RHOQ: variants seen among roughly 807,000 people sequenced by gnomAD.
RHOQ encodes the protein ras homolog family member Q, also known as rho-related GTP-binding protein RhoQ.
A neutral mutation model predicts 25.8 loss-of-function variants in RHOQ; 7 were observed. The observed-to-expected ratio is 0.27, with a 90% CI of 0.15 to 0.51. The LOEUF is 0.51. Among genes scored for constraint, RHOQ ranks in the 20% least tolerant of loss-of-function variants. The probability of loss-of-function intolerance (pLI) is 0.97; values close to 1 mark genes in which losing one functional copy is unlikely to be tolerated. For synonymous variants in RHOQ, 97 were observed against 98.6 expected (o/e 0.98, Z 0.10); for missense variants, 165 against 260.6 (o/e 0.63, Z 2.53).
Position 46,552,359 on chromosome 2 carries a change from G to A in RHOQ, c.201+8547G>A, listed in dbSNP as rs944635811. 2.6e-5 allele frequency among the ~76,000 whole-genome samples: 4 copies of A among 152,210 alleles called. No individual in the cohort carries two copies. The highest frequency in any genetic ancestry group is 9.6e-5 in the African/African-American group (4 of 41,470). ...TGCCTAAAGCTGTGGCCCCTTCCCAGAAGAGAGGGACAGGGAAATGCTGTT... is the reference window on the plus strand; with the variant it reads ...TGCCTAAAGCTGTGGCCCCTTCCCAAAAGAGAGGGACAGGGAAATGCTGTT... On this transcript the variant is annotated intron_variant, in intron 2 of 4. Transcript: ENST00000238738. The surrounding 1 kb of genome is among the most constrained non-coding windows in gnomAD (Gnocchi z 5.0).
chr2:46,564,427 T>G (rs1425064098), intron 2 of RHOQ, among the ~76,000 whole-genome samples: 2 of 152,094 alleles, frequency 1.3e-5, no homozygotes, highest in East Asian at 3.9e-4. Context: ...CCTCAGAAAT[T>G]GTGTGTGTTT....
intron 2 of RHOQ, among the ~76,000 whole-genome samples, chr2:46,561,203 A>G (rs1406465265): frequency 6.6e-6 from 1 of 151,806 alleles, no homozygotes; most frequent in African/African-American, 2.4e-5. Context: ...ATATGTACAT[A>G]TGTATATATA....
chr2:46,544,006 C>T (rs113961821), intron 2 of RHOQ, among the ~76,000 whole-genome samples, 194 bp downstream of exon 2: 4 of 152,078 alleles, frequency 2.6e-5, no homozygotes, highest in African/African-American at 9.7e-5. Context: ...CCGGATAAGC[C>T]CCCCCCATGT....
At chr2:46,562,039 TC>T in intron 2 of RHOQ, among the ~76,000 whole-genome samples, 1 of 152,216 alleles carries the variant, frequency 6.6e-6, no homozygotes, top group African/African-American at 2.4e-5. Flanking sequence ...GATTTGATTT[TC>T]CAGGCAGCAC....
intron 2 of RHOQ, among the ~76,000 whole-genome samples, chr2:46,549,457 C>T (rs116334104): frequency 0.02 from 3,014 of 152,214 alleles, 56 homozygotes; most frequent in African/African-American, 0.045. Context: ...ACGGGGGTGT[C>T]CGTTTCCAGA....
At chr2:46,557,211 T>C (rs1459920114) in intron 2 of RHOQ, among the ~76,000 whole-genome samples, 1 of 152,218 alleles carries the variant, frequency 6.6e-6, no homozygotes, top group African/African-American at 2.4e-5. Context: ...GATCTGATTT[T>C]ATGAATTTAT....
chr2:46,543,617 A>G (rs1405209644), intron 1 of RHOQ, 137 bp from the exon 2 acceptor site: 5 of 722,918 alleles, frequency 6.9e-6, no homozygotes, highest in African/African-American at 1.7e-5. Context: ...GCACGGGAAA[A>G]GGGGGTGACA....
At chr2:46,575,443 A>ACACACACACAC (rs1669084294) in intron 2 of RHOQ, among the ~76,000 whole-genome samples, 1 of 147,010 alleles carries the variant, frequency 6.8e-6, no homozygotes, top group Non-Finnish European at 1.5e-5. Context: ...ACACACACAC[A>ACACACACACAC]ATTAATAAAA....
At chr2:46,564,469 G>A (rs1244450735) in intron 2 of RHOQ, among the ~76,000 whole-genome samples, 1 of 152,196 alleles carries the variant, frequency 6.6e-6, no homozygotes, top group Non-Finnish European at 1.5e-5. Context: ...AAGCATGTCT[G>A]TGAGGGCATC....
intron 2 of RHOQ, among the ~76,000 whole-genome samples, chr2:46,561,716 A>G (rs1267090111): frequency 6.6e-6 from 1 of 152,060 alleles, no homozygotes; most frequent in Admixed American, 6.6e-5. Context: ...TCTTGTATTC[A>G]TCTGTGCCTA....
chr2:46,548,877 TG>T lies in RHOQ; in HGVS notation c.201+5066del, dbSNP rs534848742. Among the ~76,000 whole-genome samples, 2 of 152,342 alleles carry T rather than the reference TG, an allele frequency of 1.3e-5. No individual in the cohort carries two copies. The highest frequency in any genetic ancestry group is 3.9e-4 in the East Asian group (2 of 5,190). On this transcript the variant is annotated intron_variant, in intron 2 of 4. Transcript: ENST00000238738. This position sits in a 1 kb window ranked among gnomAD's most constrained non-coding sequence, Gnocchi z 5.2. ...CTGCGTTGGGAAGGTGGATAGCCTT[TG>T]TTGACTCCAAAGCCTTTGCTGTGTT...
intron 4 of RHOQ, chr2:46,577,001 A>C: frequency 5.5e-6 from 1 of 180,500 alleles, no homozygotes; most frequent in African/African-American, 2.4e-5. Context: ...AAGCATCGGA[A>C]ACACGTGTCA....
At chr2:46,573,992 G>A (rs1409272172) in intron 2 of RHOQ, among the ~76,000 whole-genome samples, 2 of 152,208 alleles carry the variant, frequency 1.3e-5, no homozygotes, top group Non-Finnish European at 2.9e-5. Flanking sequence ...GTGATTGGAG[G>A]GAGCTGCAAA....
chr2:46,572,297 T>A (rs1483097572), intron 2 of RHOQ, among the ~76,000 whole-genome samples: 1 of 151,820 alleles, frequency 6.6e-6, no homozygotes, highest in African/African-American at 2.4e-5. Context: ...GAGACAGGAT[T>A]TCACCACATT....
At chr2:46,546,820 G>C (rs368195240) in intron 2 of RHOQ, among the ~76,000 whole-genome samples, 1 of 151,998 alleles carries the variant, frequency 6.6e-6, no homozygotes, top group Non-Finnish European at 1.5e-5. Context: ...TGGGGAGAAA[G>C]GTTCACAGAG....
rs970181054 is a variant in RHOQ, at chr2:46,555,889, A to G, written c.201+12077A>G. 9.2e-5 allele frequency among the ~76,000 whole-genome samples: 14 copies of G among 152,224 alleles called. No homozygotes were observed. The highest frequency in any genetic ancestry group is 3.4e-4 in the African/African-American group (14 of 41,452). ...ACAAGCTAGTATGGAAGTAGCATCT[A>G]GGCAAGCTGGTGTTAAGACGCAAGT... On this transcript the variant is annotated intron_variant, in intron 2 of 4. Coordinates refer to ENST00000238738, the MANE Select transcript of RHOQ (RefSeq NM_012249.4). This position sits in a 1 kb window ranked among gnomAD's most constrained non-coding sequence, Gnocchi z 4.3.
intron 2 of RHOQ, among the ~76,000 whole-genome samples, chr2:46,544,934 G>T (rs1316471163): frequency 6.6e-6 from 1 of 152,226 alleles, no homozygotes; most frequent in Non-Finnish European, 1.5e-5. Flanking sequence ...AGGGAGTGAT[G>T]TACTTTGAAG....
At position 46,582,352 on chromosome 2, in the gene RHOQ, G is replaced by A. The variant is rs1273793445; in HGVS notation, c.*1269G>A. The A allele has an allele frequency of 6.6e-6, 1 of 151,844 alleles. No individual in the cohort carries two copies. The highest frequency in any genetic ancestry group is 2.4e-5 in the African/African-American group (1 of 41,364). The allele number at this position is 151,844 out of a possible 1,614,324, so 9.4% of individuals were successfully genotyped here. A position where few individuals can be genotyped will look rare whatever the true frequency, so the allele number is the denominator to read the frequency against. On this transcript the variant is annotated 3_prime_UTR_variant, in exon 5 of 5. Transcript: ENST00000238738. ...TGTGAAGCTTATTTGGTACACTGGA[G>A]CCATTTCTAATCTTTCTCTGGGGGG...
chr2:46,577,893 A>AGG (rs1669192601), intron 4 of RHOQ, among the ~76,000 whole-genome samples: 1 of 152,180 alleles, frequency 6.6e-6, no homozygotes, highest in African/African-American at 2.4e-5. Flanking sequence ...TCATAAAGAT[A>AGG]AAAGCCATAA....
Sources: gnomAD v4.1 joint callset for allele counts (sites outside exome capture counted in the v4.1 genomes callset) on GRCh38, gnomAD v4.1.1 for gene constraint, Gnocchi (gnomAD v3.1) non-coding constraint, MANE v1.5 for transcripts, NCBI Gene and HGNC (gene_info 2026-07-23, HGNC 2026-07-21) for gene names.